Variants in TMCC3 observed in about 807,000 individuals in gnomAD.
The protein encoded by TMCC3 is transmembrane and coiled-coil domain family 3.
Under a neutral mutation model 40.2 loss-of-function variants are expected in TMCC3, and 28 were observed. The observed-to-expected ratio is 0.70, with a 90% CI of 0.52 to 0.95. The LOEUF (loss-of-function observed/expected upper bound fraction) is 0.95. Among genes scored for constraint, TMCC3 ranks in the 40% least tolerant of loss-of-function variants. The pLI is 0.00. For synonymous variants in TMCC3, 255 were observed against 248.5 expected, an observed-to-expected ratio of 1.03 and a Z score of -0.25; for missense variants, 554 against 615.2, an observed-to-expected ratio of 0.90 and a Z score of 1.05.
chr12:94,641,930 A>T (rs1212874403), intron 1 of TMCC3, among the ~76,000 whole-genome samples: 2 of 151,094 alleles, frequency 1.3e-5, no homozygotes, highest in Non-Finnish European at 1.5e-5. Context: ...ATATATATTT[A>T]TATATATATT....
At chr12:94,574,330 G>C (rs2068550691) in intron 3 of TMCC3, among the ~76,000 whole-genome samples, 1 of 151,794 alleles carries the variant, frequency 6.6e-6, no homozygotes, top group African/African-American at 2.4e-5. Flanking sequence ...GGAGGTTGCA[G>C]TGAGCCGAGA....
chr12:94,581,586 A>T, intron 2 of TMCC3, 36 bp downstream of exon 2: 2 of 1,268,606 alleles, frequency 1.6e-6, no homozygotes, highest in Non-Finnish European at 1.0e-6. Flanking sequence ...AATAAATAAA[A>T]AATAAAAAAC....
At chr12:94,640,370 G>C (rs558625436) in intron 1 of TMCC3, among the ~76,000 whole-genome samples, 1 of 152,242 alleles carries the variant, frequency 6.6e-6, no homozygotes, top group Admixed American at 6.5e-5. Flanking sequence ...CTTTTGTAGA[G>C]ATGGGGTTTG....
intron 1 of TMCC3, among the ~76,000 whole-genome samples, chr12:94,605,307 C>T (rs1419816070): frequency 6.6e-6 from 1 of 152,174 alleles, no homozygotes; most frequent in Non-Finnish European, 1.5e-5. Flanking sequence ...AATACAGATA[C>T]TGTTTAGGTT....
Position 94,582,531 on chromosome 12 carries a change from C to G in TMCC3, c.86G>C (p.Arg29Pro). 6.3e-7 allele frequency: 1 copy of G among 1,593,498 alleles called. No individual in the cohort carries two copies. Among genetic ancestry groups the G allele is most frequent in the Non-Finnish European group, 8.5e-7 (1 of 1,171,700 alleles). The change falls in exon 2 of 4, where the codon CGT (arginine) becomes CCT (proline). Residue 29 changes from arginine (R) to proline (P), a missense_variant. Coordinates refer to ENST00000261226, the MANE Select transcript of TMCC3 (RefSeq NM_020698.4). Reference protein sequence around the residue: ...RHHRCKSRVERHDMNTLSLPL... With the variant: ...RHHRCKSRVEPHDMNTLSLPL... ...CAGGCTTAAGGTATTCATGTCATGA[C>G]GTTCTACCTGAAAGAGACAGGAAAG...
rs150247393 is a variant in TMCC3, at chr12:94,603,615, G to A, written c.79-21077C>T. 2.0e-4 allele frequency among the ~76,000 whole-genome samples: 30 copies of A among 152,248 alleles called. No homozygotes were observed. In the East Asian group the frequency reaches 5.6e-3, roughly 28 times the overall value. The stretch of plus-strand genomic sequence containing the variant: ...GGTGAGAAGAGTGGTTACCCTTTGC[G>A]GGGAAGTAGGGGTACGGAGAATGAT... On this transcript the variant is annotated intron_variant, in intron 1 of 3. Transcript: ENST00000261226.
chr12:94,575,544 G>C (rs751067307), intron 3 of TMCC3, among the ~76,000 whole-genome samples: 2 of 152,200 alleles, frequency 1.3e-5, no homozygotes, highest in Non-Finnish European at 2.9e-5. Flanking sequence ...CATTCACACA[G>C]ATGTCCTCTT....
At chr12:94,619,300 C>T (rs1485025927) in intron 1 of TMCC3, among the ~76,000 whole-genome samples, 1 of 152,178 alleles carries the variant, frequency 6.6e-6, no homozygotes, top group Non-Finnish European at 1.5e-5. Context: ...TCACTATTAC[C>T]TTATGCCCCA....
intron 1 of TMCC3, among the ~76,000 whole-genome samples, chr12:94,635,489 A>G (rs2068955142): frequency 6.6e-6 from 1 of 152,204 alleles, no homozygotes; most frequent in Non-Finnish European, 1.5e-5. Context: ...GCAGGATTTT[A>G]TAACATTAAG....
intron 1 of TMCC3, among the ~76,000 whole-genome samples, chr12:94,584,921 C>T (rs2068629296): frequency 6.6e-6 from 1 of 151,488 alleles, no homozygotes. Flanking sequence ...AGAGGGTCGA[C>T]CACAGGAAGC....
At position 94,641,164 on chromosome 12, in the gene TMCC3, C is replaced by T. The variant is rs189025538; in HGVS notation, c.78+9189G>A. Among the ~76,000 whole-genome samples, 104 of 151,678 alleles carry T rather than the reference C, an allele frequency of 6.9e-4. 1 individual carries two copies. In the East Asian group the frequency reaches 0.017, roughly 24 times the overall value. ...GCAGTCAGCCAAGATGGCACCACTG[C>T]ACTCCAGCCTGGGTGACAGACCCAG... On this transcript the variant is annotated intron_variant, in intron 1 of 3. Coordinates refer to ENST00000261226, the MANE Select transcript of TMCC3 (RefSeq NM_020698.4).
At chr12:94,616,583 G>A (rs181041688) in intron 1 of TMCC3, among the ~76,000 whole-genome samples, 47 of 152,342 alleles carry the variant, frequency 3.1e-4, no homozygotes, top group Non-Finnish European at 4.0e-4. Context: ...GCCTCCTGGC[G>A]TAGTGGCCGG....
chr12:94,632,175 AAG>A (rs1408062316), intron 1 of TMCC3, among the ~76,000 whole-genome samples: 1 of 152,252 alleles, frequency 6.6e-6, no homozygotes, highest in Non-Finnish European at 1.5e-5. Flanking sequence ...AAAGAGGCGA[AAG>A]AGAACTTTCC....
At chr12:94,621,280 T>C (rs2068874480) in intron 1 of TMCC3, among the ~76,000 whole-genome samples, 1 of 152,200 alleles carries the variant, frequency 6.6e-6, no homozygotes, top group African/African-American at 2.4e-5. Flanking sequence ...CCCACCAGGC[T>C]CTCTCAGTTG....
chr12:94,604,325 T>C (rs1307989489), intron 1 of TMCC3, among the ~76,000 whole-genome samples: 1 of 152,202 alleles, frequency 6.6e-6, no homozygotes, highest in Non-Finnish European at 1.5e-5. Flanking sequence ...GTTTTTATGA[T>C]AGCTAATGGA....
At chr12:94,636,388 T>C (rs1481087273) in intron 1 of TMCC3, among the ~76,000 whole-genome samples, 1 of 149,752 alleles carries the variant, frequency 6.7e-6, no homozygotes, top group Non-Finnish European at 1.5e-5. Flanking sequence ...AAAATATGGT[T>C]AGTATTTATT....
At chr12:94,630,721 T>TTTCTGTTTTG (rs1555285795) in intron 1 of TMCC3, among the ~76,000 whole-genome samples, 6 of 151,892 alleles carry the variant, frequency 4.0e-5, no homozygotes, top group African/African-American at 1.2e-4. Context: ...ACGTTTTGTG[T>TTTCTGTTTTG]TTTTGTTTTG....
intron 3 of TMCC3, among the ~76,000 whole-genome samples, chr12:94,573,959 T>A (rs76397114): frequency 6.6e-6 from 1 of 152,252 alleles, no homozygotes; most frequent in Non-Finnish European, 1.5e-5. Flanking sequence ...CCACAAGACA[T>A]ACGCTGCCTG....
chr12:94,569,642 G>C lies in TMCC3; in HGVS notation c.*1793C>G, dbSNP rs1031678428. The C allele has an allele frequency of 6.6e-6, 1 of 151,870 alleles. No homozygotes were observed. The highest frequency in any genetic ancestry group is 1.5e-5 in the Non-Finnish European group (1 of 67,966). The allele number at this position is 151,870 out of a possible 1,614,324, so 9.4% of individuals were successfully genotyped here. On this transcript the variant is annotated 3_prime_UTR_variant, in exon 4 of 4. Transcript: ENST00000261226. ...ATTTACTAAAACCACTCAATTGTAC[G>C]CTTAAAAAAAAAAGCAAGCTTGAGC...
Sources: allele counts gnomAD v4.1 joint callset (sites outside exome capture counted in the v4.1 genomes callset), GRCh38; gene constraint gnomAD v4.1.1; transcripts MANE v1.5; gene names NCBI Gene and HGNC (gene_info 2026-07-23, HGNC 2026-07-21).